IGSF5: variants seen among roughly 807,000 people sequenced by gnomAD.
IGSF5 encodes the protein immunoglobulin superfamily 5 like.
Under a neutral mutation model 39.4 loss-of-function variants are expected in IGSF5, and 41 were observed. That is an observed-to-expected ratio of 1.04 (90% CI 0.81 to 1.35). The LOEUF is 1.35. Ranked by LOEUF, IGSF5 falls within the 40% of genes most tolerant of loss-of-function variation. The pLI is 0.00. For synonymous variants in IGSF5, 183 were observed against 175.3 expected (o/e 1.04, Z -0.34); for missense variants, 487 against 494.6 (o/e 0.98, Z 0.15).
the IGSF5 span, among the ~76,000 whole-genome samples, chr21:39,712,993 T>G: frequency 4.2e-3 from 643 of 152,292 alleles, 2 homozygotes; most frequent in Non-Finnish European, 7.5e-3. Flanking sequence ...AGTCCCTCAT[T>G]ACGTCTTTCA....
chr21:39,744,595 C>T (rs370267974), upstream of IGSF5, among the ~76,000 whole-genome samples: 1 of 152,128 alleles, frequency 6.6e-6, no homozygotes, highest in Non-Finnish European at 1.5e-5. Flanking sequence ...TAGGTCTGGT[C>T]GGACCTTTGT....
chr21:39,797,526 A>T (rs1042891269), intron 8 of IGSF5, among the ~76,000 whole-genome samples: 6 of 151,720 alleles, frequency 4.0e-5, no homozygotes, highest in Non-Finnish European at 5.9e-5. Flanking sequence ...GCCTTTAAAA[A>T]TTTTTTTTGA....
the IGSF5 span, among the ~76,000 whole-genome samples, chr21:39,718,317 C>T: frequency 3.3e-5 from 5 of 152,182 alleles, no homozygotes; most frequent in Admixed American, 2.6e-4. Flanking sequence ...GACTTCCTCT[C>T]TTCCTATTTG....
the IGSF5 span, among the ~76,000 whole-genome samples, chr21:39,735,553 T>C: frequency 1.3e-5 from 2 of 152,156 alleles, no homozygotes; most frequent in Non-Finnish European, 2.9e-5. Flanking sequence ...ACCTAAATTT[T>C]TGAAATTCCT....
Position 39,799,425 on chromosome 21 carries a change from T to G in IGSF5, c.1129-1837T>G, listed in dbSNP as rs571352127. Among the ~76,000 whole-genome samples the G allele has an allele frequency of 2.6e-4, 39 of 152,310 alleles. No individual in the cohort carries two copies. The South Asian group carries it at 8.1e-3, about 32-fold the overall frequency. On this transcript the variant is annotated intron_variant, in intron 8 of 8. Transcript: ENST00000380588. ...CACACTCTTGGGCCTCCGCCAGGCT[T>G]GCTGGATCAGAATGTCTGGGAGATA...
At chr21:39,749,235 CAG>C (rs2079992256) in intron 2 of IGSF5, among the ~76,000 whole-genome samples, 6 of 131,500 alleles carry the variant, frequency 4.6e-5, no homozygotes, top group Admixed American at 7.8e-5. Flanking sequence ...TTTTTTGAAA[CAG>C]AATCTCGCCA....
chr21:39,801,140 C>T, intron 8 of IGSF5, 122 bp from the exon 9 acceptor site: 1 of 673,590 alleles, frequency 1.5e-6, no homozygotes, highest in South Asian at 1.9e-5. Context: ...CTTATTTTAA[C>T]ATTTTTGTTC....
rs2080091285 is a variant in IGSF5 at position 39,767,194 on chromosome 21, T to G, written c.418+1342T>G. 3.9e-5 allele frequency among the ~76,000 whole-genome samples: 6 copies of G among 152,326 alleles called. No homozygotes were observed. In the South Asian group the frequency reaches 1.2e-3, roughly 32 times the overall value. ...AAAGAATCAAAGATATAAATTCTGG[T>G]TTTGGCTTCATCAGTTATCTATCAG... On this transcript the variant is annotated intron_variant, in intron 3 of 8. Coordinates refer to ENST00000380588, the MANE Select transcript of IGSF5 (RefSeq NM_001080444.2).
intron 4 of IGSF5, 128 bp from the exon 5 acceptor site, chr21:39,778,962 T>C: frequency 2.8e-6 from 3 of 1,081,036 alleles, no homozygotes; most frequent in Non-Finnish European, 3.9e-6. Context: ...ACTTGGCCTA[T>C]GACGCCTAGC....
chr21:39,721,927 T>G, the IGSF5 span, among the ~76,000 whole-genome samples: 9,705 of 152,174 alleles, frequency 0.064, 564 homozygotes, highest in East Asian at 0.22. Context: ...ACTTTGTAAA[T>G]TGCCAGGTAG....
rs192407103 is a variant in IGSF5 at position 39,770,496 on chromosome 21, C to T, written c.419-420C>T. ...TGCGTCTGACCCTGGGCTGTGTCCT[C>T]GTCACAGTGAGAAGAAGGTGAAGCT... On this transcript the variant is annotated intron_variant, in intron 3 of 8. Coordinates refer to ENST00000380588, the MANE Select transcript of IGSF5 (RefSeq NM_001080444.2). Among the ~76,000 whole-genome samples, 52 of 152,206 alleles carry T rather than the reference C, an allele frequency of 3.4e-4. No individual in the cohort carries two copies. The East Asian group carries it at 8.3e-3, about 24-fold the overall frequency.
intron 2 of IGSF5, among the ~76,000 whole-genome samples, chr21:39,760,537 A>G (rs1240551843): frequency 6.6e-6 from 1 of 151,660 alleles, no homozygotes; most frequent in East Asian, 1.9e-4. Context: ...TTTGGGAAAA[A>G]TTGTAGCTGG....
chr21:39,735,674 G>C, the IGSF5 span, among the ~76,000 whole-genome samples: 1 of 152,174 alleles, frequency 6.6e-6, no homozygotes, highest in South Asian at 2.1e-4. Context: ...TGGGCAAGAT[G>C]TTACAAGAGA....
chr21:39,800,907 G>T (rs550904139), intron 8 of IGSF5, among the ~76,000 whole-genome samples: 1 of 152,292 alleles, frequency 6.6e-6, no homozygotes, highest in South Asian at 2.1e-4. Context: ...AACAATGCAC[G>T]CTCTTTAAGA....
At chr21:39,739,555 T>C in the IGSF5 span, among the ~76,000 whole-genome samples, 1 of 152,168 alleles carries the variant, frequency 6.6e-6, no homozygotes, top group Non-Finnish European at 1.5e-5. Context: ...GCTTAGGGAT[T>C]CTTAGTCAGC....
the IGSF5 span, among the ~76,000 whole-genome samples, chr21:39,737,123 C>G: frequency 2.6e-5 from 4 of 151,746 alleles, no homozygotes; most frequent in Non-Finnish European, 4.4e-5. Flanking sequence ...CTGCTTTGTT[C>G]ACCATTTTTC....
At chr21:39,776,815 T>A (rs559606908) in intron 4 of IGSF5, among the ~76,000 whole-genome samples, 2 of 152,270 alleles carry the variant, frequency 1.3e-5, no homozygotes, top group East Asian at 3.9e-4. Context: ...CTTATGCCAG[T>A]GAGAATTTCA....
chr21:39,776,162 T>C (rs531665723), intron 4 of IGSF5, among the ~76,000 whole-genome samples: 13 of 151,004 alleles, frequency 8.6e-5, no homozygotes, highest in Non-Finnish European at 1.3e-4. Context: ...ATTAGCTCCA[T>C]ACTAAACAAA....
intron 2 of IGSF5, among the ~76,000 whole-genome samples, chr21:39,748,604 C>T (rs399135): frequency 0.23 from 34,748 of 151,976 alleles, 4,693 homozygotes; most frequent in Non-Finnish European, 0.32. Flanking sequence ...TGAGTCCCAT[C>T]ACGAGGGCTC....
Sources: allele counts gnomAD v4.1 joint callset (sites outside exome capture counted in the v4.1 genomes callset), GRCh38; gene constraint gnomAD v4.1.1; transcripts MANE v1.5; gene names NCBI Gene and HGNC (gene_info 2026-07-23, HGNC 2026-07-21).